The following MGAT5 variants were observed in gnomAD, a reference collection of about 807,000 sequenced individuals.
The protein encoded by MGAT5 is alpha-1,6-mannosylglycoprotein 6-beta-N-acetylglucosaminyltransferase A.
In MGAT5, 30 loss-of-function variants were observed where a neutral mutation model predicts 94.3. The observed-to-expected ratio is 0.32, with a 90% CI of 0.24 to 0.43. The LOEUF (loss-of-function observed/expected upper bound fraction) is 0.43, where lower values mean the gene tolerates loss of function less well. Among genes scored for constraint, MGAT5 ranks in the 20% least tolerant of loss-of-function variants. MGAT5 has a pLI of 1.00. For missense variants in MGAT5, 691 were observed against 905.5 expected (o/e 0.76, Z 3.04); for synonymous variants, 310 against 322.9 (o/e 0.96, Z 0.43).
intron 1 of MGAT5, among the ~76,000 whole-genome samples, chr2:134,189,602 G>GTTTTGTTTTGTTTTGTTTTTT (rs1553490380): frequency 1.1e-4 from 9 of 84,650 alleles, no homozygotes; most frequent in African/African-American, 2.4e-4. Flanking sequence ...GTTTTTTTTT[G>GTTTTGTTTTGTTTTGTTTTTT]TTTTTTTTTT....
chr2:134,412,691 A>G (rs1683739482), intron 11 of MGAT5, among the ~76,000 whole-genome samples, 178 bp from the exon 12 acceptor site: 1 of 152,084 alleles, frequency 6.6e-6, no homozygotes, highest in South Asian at 2.1e-4. Flanking sequence ...GTAGTTTTTC[A>G]GATCCTGGTG....
At chr2:134,393,468 C>A (rs1306170188) in intron 10 of MGAT5, among the ~76,000 whole-genome samples, 2 of 152,116 alleles carry the variant, frequency 1.3e-5, no homozygotes, top group Non-Finnish European at 2.9e-5. Flanking sequence ...GTGCTGTTTA[C>A]CCTGCGTATA....
intron 14 of MGAT5, among the ~76,000 whole-genome samples, chr2:134,441,011 C>T (rs919361295): frequency 1.8e-4 from 28 of 152,092 alleles, no homozygotes; most frequent in Non-Finnish European, 2.1e-4. Context: ...AGAAATGTAC[C>T]ATAGGAACTT....
chr2:134,403,757 C>A lies in MGAT5; in HGVS notation c.1530+620C>A, dbSNP rs139222296. 6.5e-4 allele frequency among the ~76,000 whole-genome samples: 99 copies of A among 152,242 alleles called. 1 individual carries two copies. In the Middle Eastern group the frequency reaches 0.01, roughly 16 times the overall value. ...GGCATATTCAGGAAAGAGCTAGAAG[C>A]CAACCCAGCTAGTCTAAGTGTTGAA... On this transcript the variant is annotated intron_variant, in intron 11 of 15. Transcript: ENST00000281923.
chr2:134,448,890 G>A lies in MGAT5; in HGVS notation c.*43G>A. ...CTGCACCATGCTGCTGGGGAAGACAGTGGCCCCAGCCCCGTCAGGCAGGGC... is the reference window on the plus strand; with the variant it reads ...CTGCACCATGCTGCTGGGGAAGACAATGGCCCCAGCCCCGTCAGGCAGGGC... On this transcript the variant is annotated 3_prime_UTR_variant, in exon 16 of 16. Transcript: ENST00000281923. The A allele has an allele frequency of 6.3e-7, 1 of 1,584,650 alleles. No individual in the cohort carries two copies. Among genetic ancestry groups the A allele is most frequent in the Non-Finnish European group, 8.6e-7 (1 of 1,161,224 alleles).
At chr2:134,238,104 CCTT>C (rs1340268935) in intron 1 of MGAT5, among the ~76,000 whole-genome samples, 1 of 152,080 alleles carries the variant, frequency 6.6e-6, no homozygotes, top group Non-Finnish European at 1.5e-5. Flanking sequence ...AGTTTGGAGA[CCTT>C]CTAAGCGTGA....
chr2:134,235,973 G>C (rs1681619028), intron 1 of MGAT5, among the ~76,000 whole-genome samples: 1 of 152,120 alleles, frequency 6.6e-6, no homozygotes. Context: ...ATTCTAGGCT[G>C]TGAGTGTCAT....
chr2:134,169,437 CACAT>C (rs1428734491), intron 1 of MGAT5, among the ~76,000 whole-genome samples: 5 of 150,668 alleles, frequency 3.3e-5, no homozygotes, highest in Non-Finnish European at 5.9e-5. Context: ...CACACACACA[CACAT>C]ATATAAAAGA....
At chr2:134,405,746 C>T (rs2106307603) in intron 11 of MGAT5, among the ~76,000 whole-genome samples, 1 of 152,318 alleles carries the variant, frequency 6.6e-6, no homozygotes, top group East Asian at 1.9e-4. Context: ...GATGCTTGAT[C>T]AGCTTCTGAC....
intron 12 of MGAT5, among the ~76,000 whole-genome samples, chr2:134,416,014 A>G (rs773227752): frequency 1.3e-5 from 2 of 152,184 alleles, no homozygotes; most frequent in Non-Finnish European, 2.9e-5. Flanking sequence ...GGAAATCTCT[A>G]AAGTTCTACT....
intron 10 of MGAT5, among the ~76,000 whole-genome samples, chr2:134,367,218 A>G (rs189719611): frequency 3.8e-4 from 58 of 152,294 alleles, no homozygotes; most frequent in African/African-American, 1.3e-3. Flanking sequence ...GTCTAAATAC[A>G]TGTTTGCTGC....
At chr2:134,311,489 C>G (rs1409892621) in intron 2 of MGAT5, among the ~76,000 whole-genome samples, 1 of 152,148 alleles carries the variant, frequency 6.6e-6, no homozygotes, top group Admixed American at 6.5e-5. Context: ...AGCCATTGCT[C>G]TGAAAGAACT....
intron 14 of MGAT5, among the ~76,000 whole-genome samples, chr2:134,434,106 C>G (rs976192954): frequency 3.9e-5 from 6 of 152,174 alleles, no homozygotes; most frequent in African/African-American, 1.4e-4. Flanking sequence ...AACAAGTGAC[C>G]CTTTCCCTGG....
At chr2:134,441,973 G>T (rs1685510745) in intron 15 of MGAT5, 58 bp downstream of exon 15, 2 of 1,580,824 alleles carry the variant, frequency 1.3e-6, no homozygotes, top group Admixed American at 3.4e-5. Context: ...TGGCCTTGTT[G>T]GGTAGTCAGG....
intron 1 of MGAT5, among the ~76,000 whole-genome samples, chr2:134,144,964 A>T (rs748067073): frequency 4.6e-5 from 7 of 152,136 alleles, no homozygotes; most frequent in Non-Finnish European, 7.3e-5. Context: ...GTTCTTTCTA[A>T]ATTCATTCTG....
At chr2:134,400,320 T>G (rs1015416446) in intron 10 of MGAT5, among the ~76,000 whole-genome samples, 1 of 152,230 alleles carries the variant, frequency 6.6e-6, no homozygotes, top group Non-Finnish European at 1.5e-5. Context: ...TACATCAATG[T>G]CAAAGGCTAA....
chr2:134,245,262 C>T (rs1682184936), intron 1 of MGAT5, among the ~76,000 whole-genome samples: 1 of 152,192 alleles, frequency 6.6e-6, no homozygotes, highest in Non-Finnish European at 1.5e-5. Flanking sequence ...TCCGCCCCCT[C>T]GGCCTCCCAA....
At chr2:134,442,189 T>C (rs1047833034) in intron 15 of MGAT5, among the ~76,000 whole-genome samples, 6 of 152,108 alleles carry the variant, frequency 3.9e-5, no homozygotes, top group African/African-American at 1.4e-4. Context: ...TATCTGGGTT[T>C]GAAGATTGTG....
At chr2:134,232,069 G>T (rs1681397342) in intron 1 of MGAT5, among the ~76,000 whole-genome samples, 1 of 135,764 alleles carries the variant, frequency 7.4e-6, no homozygotes. Flanking sequence ...TGGAAGCCTA[G>T]TGGTCATTCT....
Sources: allele counts gnomAD v4.1 joint callset (sites outside exome capture counted in the v4.1 genomes callset), GRCh38; gene constraint gnomAD v4.1.1; transcripts MANE v1.5; gene names NCBI Gene and HGNC (gene_info 2026-07-23, HGNC 2026-07-21).